FBXL17: variants seen among roughly 807,000 people sequenced by gnomAD.
FBXL17 encodes F-box and leucine rich repeat protein 17.
Under a neutral mutation model 66.2 loss-of-function variants are expected in FBXL17, and 22 were observed. That is an observed-to-expected ratio of 0.33 (90% CI 0.24 to 0.47). The LOEUF (loss-of-function observed/expected upper bound fraction) is 0.47. Among genes scored for constraint, FBXL17 ranks in the 20% least tolerant of loss-of-function variants. FBXL17 has a pLI of 1.00. For synonymous variants in FBXL17, 474 were observed against 400.5 expected (o/e 1.18, Z -2.19); for missense variants, 878 against 948.2 (o/e 0.93, Z 0.97).
intron 4 of FBXL17, among the ~76,000 whole-genome samples, chr5:108,269,415 A>AAC (rs1757174886): frequency 6.6e-6 from 1 of 152,120 alleles, no homozygotes; most frequent in Admixed American, 6.5e-5. Flanking sequence ...CTCTAAGGGT[A>AAC]ACCCAAGAAA....
chr5:108,031,247 T>C (rs558858830), intron 6 of FBXL17, among the ~76,000 whole-genome samples: 1 of 152,262 alleles, frequency 6.6e-6, no homozygotes, highest in East Asian at 1.9e-4. Flanking sequence ...GGAGCCCAAA[T>C]TTATTTTAGC....
intron 5 of FBXL17, among the ~76,000 whole-genome samples, chr5:108,214,702 C>T (rs114947008): frequency 0.021 from 3,238 of 152,168 alleles, 40 homozygotes; most frequent in Non-Finnish European, 0.032. Context: ...CTTTTGGTAT[C>T]CTATTTTAGA....
chr5:108,348,486 C>T lies in FBXL17; in HGVS notation c.1419G>A (p.Gln473=). ...CRELKDIHFG[Q]CYKISDEGMI... is the part of the protein sequence containing the mutation. Reference sequence around the variant, plus strand: ...TGCCTTCATCTGAGATCTTGTAACACTGGCCGAAATGAATATCTTTGAGTT... The same window carrying T: ...TGCCTTCATCTGAGATCTTGTAACATTGGCCGAAATGAATATCTTTGAGTT... The change falls in exon 4 of 9, where the codon CAG becomes CAA. Residue 473 remains glutamine, a synonymous_variant. Transcript: ENST00000542267. 1 of 1,613,736 alleles carries T rather than the reference C, an allele frequency of 6.2e-7. No individual in the cohort carries two copies. The highest frequency in any genetic ancestry group is 2.2e-5 in the East Asian group (1 of 44,812).
At chr5:107,868,114 T>C (rs2112483641) in intron 8 of FBXL17, among the ~76,000 whole-genome samples, 1 of 152,344 alleles carries the variant, frequency 6.6e-6, no homozygotes, top group East Asian at 1.9e-4. Context: ...CCTACTCAGA[T>C]GGAATTCCTA....
chr5:107,905,219 G>A (rs1749715547), intron 7 of FBXL17, among the ~76,000 whole-genome samples: 1 of 151,998 alleles, frequency 6.6e-6, no homozygotes, highest in Non-Finnish European at 1.5e-5. Flanking sequence ...GCAACTAATT[G>A]TATATATACA....
At position 107,937,468 on chromosome 5, in the gene FBXL17, T is replaced by A. The variant is rs142996587; in HGVS notation, c.1823-56289A>T. Among the ~76,000 whole-genome samples the A allele has an allele frequency of 1.6e-3, 240 of 152,272 alleles. 2 individuals carry two copies. Among genetic ancestry groups the A allele is most frequent in the African/African-American group, 5.6e-3 (231 of 41,560 alleles). On this transcript the variant is annotated intron_variant, in intron 7 of 8. Coordinates refer to ENST00000542267, the MANE Select transcript of FBXL17 (RefSeq NM_001163315.3). ...CTGTTGTAGGTTGTCATGGGAGCTT[T>A]CAAAACGTACACACAGAAAAACAGG...
chr5:108,224,214 T>C lies in FBXL17; in HGVS notation c.1521A>G (p.Ser507=), dbSNP rs112049764. The change falls in exon 5 of 9, where the codon TCA becomes TCG. Residue 507 remains serine (S), a synonymous_variant. Coordinates refer to ENST00000542267, the MANE Select transcript of FBXL17 (RefSeq NM_001163315.3). ...MQENKLVTDQ[S]VKAFAEHCPE... ...GACAGTGTTCAGCAAATGCTTTCACTGACTGATCTGTCACCTAGGGAAAAG... is the reference window on the plus strand; with the variant it reads ...GACAGTGTTCAGCAAATGCTTTCACCGACTGATCTGTCACCTAGGGAAAAG... 1.5e-3 allele frequency: 2,319 copies of C among 1,597,460 alleles called. 42 individuals are homozygous for C. The African/African-American group carries it at 0.023, about 16-fold the overall frequency.
chr5:108,206,589 C>T (rs1285963618), intron 5 of FBXL17, among the ~76,000 whole-genome samples: 2 of 152,224 alleles, frequency 1.3e-5, no homozygotes, highest in East Asian at 1.9e-4. Flanking sequence ...ACTTGACAAT[C>T]ATTTGCATTT....
At chr5:108,375,142 C>G (rs1221679093) in intron 1 of FBXL17, among the ~76,000 whole-genome samples, 2 of 152,086 alleles carry the variant, frequency 1.3e-5, no homozygotes. Context: ...CTGCTTGAAG[C>G]CAGGAGTTTG....
In FBXL17 at chr5:107,881,005, A is replaced by G. The variant is rs747670718; in HGVS notation, c.1965+32T>C. 3.1e-6 allele frequency: 5 copies of G among 1,614,104 alleles called. No individual in the cohort carries two copies. In the South Asian group the frequency reaches 4.4e-5, roughly 14 times the overall value. On this transcript the variant is annotated intron_variant, in intron 8 of 8. Transcript: ENST00000542267. ...CAAGCTATTAACTATACTGATATGT[A>G]GAAAGCAAACAACTTGATAGTCAAC...
intron 7 of FBXL17, among the ~76,000 whole-genome samples, chr5:107,951,461 C>A (rs1305152119): frequency 2.0e-5 from 3 of 152,192 alleles, no homozygotes; most frequent in Non-Finnish European, 4.4e-5. Context: ...CACTTGATAA[C>A]TGGGGGAAGC....
At chr5:107,899,180 T>C (rs1749484232) in intron 7 of FBXL17, among the ~76,000 whole-genome samples, 1 of 152,234 alleles carries the variant, frequency 6.6e-6, no homozygotes, top group African/African-American at 2.4e-5. Context: ...CATGAGATGG[T>C]ATCTCATTGT....
At chr5:108,215,631 G>A (rs1245734383) in intron 5 of FBXL17, among the ~76,000 whole-genome samples, 1 of 152,172 alleles carries the variant, frequency 6.6e-6, no homozygotes, top group Non-Finnish European at 1.5e-5. Flanking sequence ...TATGTGATTT[G>A]CAAATATTTT....
At chr5:107,884,002 A>G (rs1324028536) in intron 7 of FBXL17, among the ~76,000 whole-genome samples, 1 of 152,210 alleles carries the variant, frequency 6.6e-6, no homozygotes, top group East Asian at 1.9e-4. Flanking sequence ...ACGTGGCTGA[A>G]GTAAAAACAA....
intron 4 of FBXL17, among the ~76,000 whole-genome samples, chr5:108,340,260 CGT>C (rs1244150670): frequency 5.3e-5 from 8 of 150,084 alleles, no homozygotes; most frequent in Non-Finnish European, 7.4e-5. Flanking sequence ...GTCAAAAAAA[CGT>C]GTTTTAGGCC....
chr5:107,988,934 C>CA (rs1361808405), intron 7 of FBXL17, among the ~76,000 whole-genome samples: 3 of 152,004 alleles, frequency 2.0e-5, no homozygotes, highest in Non-Finnish European at 4.4e-5. Flanking sequence ...GGCATAATCC[C>CA]AAATGACTAC....
At chr5:107,972,126 A>G (rs1052986008) in intron 7 of FBXL17, among the ~76,000 whole-genome samples, 1 of 152,234 alleles carries the variant, frequency 6.6e-6, no homozygotes, top group Non-Finnish European at 1.5e-5. Context: ...TGTATCACTC[A>G]TAGCCCTGTG....
At chr5:107,980,664 A>ATTTTTTTTTTTTTTTTTTTTTT (rs57472813) in intron 7 of FBXL17, among the ~76,000 whole-genome samples, 4 of 62,080 alleles carry the variant, frequency 6.4e-5, no homozygotes, top group African/African-American at 4.1e-4. Flanking sequence ...ATATATATAT[A>ATTTTTTTTTTTTTTTTTTTTTT]TTTTTTTTTT....
chr5:108,093,553 C>A (rs2149932654), intron 6 of FBXL17, among the ~76,000 whole-genome samples: 1 of 152,200 alleles, frequency 6.6e-6, no homozygotes, highest in East Asian at 1.9e-4. Flanking sequence ...CTAGATATTC[C>A]CTAAGGGTCA....
Sources: gnomAD v4.1 joint callset for allele counts (sites outside exome capture counted in the v4.1 genomes callset) on GRCh38, gnomAD v4.1.1 for gene constraint, MANE v1.5 for transcripts, NCBI Gene and HGNC (gene_info 2026-07-23, HGNC 2026-07-21) for gene names.